The following ARRDC2 variants were observed in gnomAD, a reference collection of about 807,000 sequenced individuals.
ARRDC2 encodes the protein arrestin domain containing 2, also known as arrestin domain-containing protein 2.
In ARRDC2, 39 loss-of-function variants were observed where a neutral mutation model predicts 38.9. The observed-to-expected ratio is 1.00, with a 90% CI of 0.78 to 1.31. The LOEUF (loss-of-function observed/expected upper bound fraction) is 1.31. Ranked by LOEUF, ARRDC2 falls within the 50% of genes most tolerant of loss-of-function variation. ARRDC2 has a pLI of 0.00. For missense variants in ARRDC2, 553 were observed against 588.4 expected (o/e 0.94, Z 0.62); for synonymous variants, 300 against 261.9 (o/e 1.15, Z -1.41).
At chr19:18,001,542 C>A in exon 1 of ARRDC2, 2 of 1,382,988 alleles carry the variant, frequency 1.4e-6, no homozygotes, top group South Asian at 1.5e-5. Context: ...CCGCGGAGAC[C>A]TACCTGCGGC....
upstream of ARRDC2, among the ~76,000 whole-genome samples, chr19:18,005,984 A>AGACGGGGC (rs949672167): frequency 9.5e-5 from 14 of 147,602 alleles, no homozygotes; most frequent in Non-Finnish European, 1.8e-4. Flanking sequence ...CTCACATCCC[A>AGACGGGGC]GACGGGGCGG....
rs781444961 is a variant in ARRDC2, at chr19:18,012,501, C to T, written c.1171-412C>T. Among the ~76,000 whole-genome samples, 5 of 152,192 alleles carry T rather than the reference C, an allele frequency of 3.3e-5. No homozygotes were observed. In the South Asian group the frequency reaches 1.0e-3, roughly 32 times the overall value. On this transcript the variant is annotated intron_variant, in intron 7 of 7. Transcript: ENST00000222250. ...ACTCACGAGGCTGAGGCAGGAGAAT[C>T]GCTTGAACCCAGGAGGTAGAGGTTG... is the stretch of plus-strand genomic sequence containing the variant.
intron 3 of ARRDC2, 92 bp downstream of exon 3, chr19:18,009,210 C>T (rs1233034380): frequency 6.9e-7 from 1 of 1,454,694 alleles, no homozygotes; most frequent in East Asian, 2.4e-5. Context: ...AGATGGAGGT[C>T]ATAGGTGGGC....
Position 18,008,195 on chromosome 19 carries a change from C to T in ARRDC2, c.-116C>T, listed in dbSNP as rs2033322022. ...GATTTTCTGCTCCGGTTGGTGAGCG[C>T]GCCTGCGCGTTGACGGCGATTTTGC... On this transcript the variant is annotated 5_prime_UTR_variant, in exon 1 of 8. Coordinates refer to ENST00000222250, the MANE Select transcript of ARRDC2 (RefSeq NM_015683.2). 2.0e-5 allele frequency: 28 copies of T among 1,388,010 alleles called. No individual in the cohort carries two copies. Among genetic ancestry groups the T allele is most frequent in the Admixed American group, 2.7e-5 (1 of 36,994 alleles). 86.0% of individuals were successfully genotyped at this position (1,388,010 alleles called of 1,614,324 possible).
At chr19:18,008,138 C>A, upstream of ARRDC2, 1 of 1,339,282 alleles carries the variant, frequency 7.5e-7, no homozygotes, top group South Asian at 1.5e-5. Context: ...CCCGCCCTGC[C>A]GTATAAAAGC....
rs751170141 is a variant in ARRDC2, at chr19:18,008,515, A to G, written c.205A>G (p.Thr69Ala). 20 of 1,537,222 alleles carry G rather than the reference A, an allele frequency of 1.3e-5. No individual in the cohort carries two copies. Among genetic ancestry groups the G allele is most frequent in the Admixed American group, 2.1e-5 (1 of 48,760 alleles). The change falls in exon 1 of 8, where the codon ACG (threonine) becomes GCG (alanine). Residue 69 changes from threonine to alanine, a missense_variant. This residue lies in a region of ARRDC2 where 447 missense variants were observed against 456.6 expected (regional missense o/e 0.98). Coordinates refer to ENST00000222250, the MANE Select transcript of ARRDC2 (RefSeq NM_015683.2). The stretch of plus-strand genomic sequence containing the variant: ...CGAGTCGCGCAGCGCGGGCTCGAGC[A>G]CGGCTTACACGCAGAGCTACAGTGA... ...WTESRSAGSSTAYTQSYSERV... is the reference protein window; with the variant it reads ...WTESRSAGSSAAYTQSYSERV...
At position 18,008,946 on chromosome 19, in the gene ARRDC2, C is replaced by A. The variant is rs12610703; in HGVS notation, c.342-25C>A. 6 of 1,612,218 alleles carry A rather than the reference C, an allele frequency of 3.7e-6. No individual in the cohort carries two copies. The Admixed American group carries it at 1.0e-4, about 27-fold the overall frequency. On this transcript the variant is annotated intron_variant, in intron 2 of 7. Coordinates refer to ENST00000222250, the MANE Select transcript of ARRDC2 (RefSeq NM_015683.2). ...CCTGCTTGTCTCTGTATCTTGTCCC[C>A]TGAAGTCCCGTCCCTCCACCCTAGG...
At chr19:18,001,402 C>T (rs1251115361) in exon 1 of ARRDC2, 5 of 1,220,178 alleles carry the variant, frequency 4.1e-6, no homozygotes, top group Admixed American at 8.6e-5. Context: ...GCTGTGCGGC[C>T]GGGTGCTGCT....
At position 18,009,646 on chromosome 19, in the gene ARRDC2, G is replaced by C. The variant is rs2033363955; in HGVS notation, c.544G>C (p.Gly182Arg). ...KVARSWYCNRGLVSLSAKIDR... is the reference protein window; with the variant it reads ...KVARSWYCNRRLVSLSAKIDR... ...TGCCCGATCCTGGTACTGTAACCGTGGCCTAGTCTCCCTTTCGGCCAAGAT... is the reference window on the plus strand; with the variant it reads ...TGCCCGATCCTGGTACTGTAACCGTCGCCTAGTCTCCCTTTCGGCCAAGAT... The change falls in exon 4 of 8, where the codon GGC (glycine) becomes CGC (arginine). Residue 182 changes from glycine (G) to arginine (R), a missense_variant. By Grantham distance (125) the Gly-to-Arg change is moderately radical. Transcript: ENST00000222250. 1.2e-6 allele frequency: 2 copies of C among 1,611,148 alleles called. No individual in the cohort carries two copies. Among genetic ancestry groups the C allele is most frequent in the Non-Finnish European group, 1.7e-6 (2 of 1,177,854 alleles).
upstream of ARRDC2, among the ~76,000 whole-genome samples, chr19:18,003,495 C>G (rs936345096): frequency 6.6e-6 from 1 of 151,590 alleles, no homozygotes; most frequent in Admixed American, 6.6e-5. Flanking sequence ...CACTCTGTCA[C>G]CCAGGCTGGA....
rs2033324331 is a variant in ARRDC2 at position 18,008,271 on chromosome 19, G to A, written c.-40G>A. On this transcript the variant is annotated 5_prime_UTR_variant, in exon 1 of 8. Coordinates refer to ENST00000222250, the MANE Select transcript of ARRDC2 (RefSeq NM_015683.2). The stretch of plus-strand genomic sequence containing the variant: ...TTGAGCTGCCGGTTCGCGAGTTCGA[G>A]GCCAGGTTCCGCCTGTCGTGGGTTC... 6.4e-7 allele frequency: 1 copy of A among 1,572,538 alleles called. No homozygotes were observed. The highest frequency in any genetic ancestry group is 1.8e-5 in the Admixed American group (1 of 55,684).
intron 1 of ARRDC2, among the ~76,000 whole-genome samples, chr19:18,001,808 T>C (rs376217293): frequency 6.6e-6 from 1 of 152,098 alleles, no homozygotes; most frequent in Non-Finnish European, 1.5e-5. Flanking sequence ...CCAGGCTTAG[T>C]GGCGCGCGCC....
At chr19:18,004,891 T>C (rs2033241467), upstream of ARRDC2, among the ~76,000 whole-genome samples, 3 of 147,698 alleles carry the variant, frequency 2.0e-5, no homozygotes, top group Admixed American at 2.0e-4. Context: ...TCCCGGCTAC[T>C]CGGGAGGCTG....
At chr19:18,003,783 G>A (rs888545955), upstream of ARRDC2, among the ~76,000 whole-genome samples, 2 of 152,070 alleles carry the variant, frequency 1.3e-5, no homozygotes. Context: ...GGGACTACAG[G>A]CACCCGCCAC....
At chr19:18,003,515 C>T (rs1043801538), upstream of ARRDC2, among the ~76,000 whole-genome samples, 2 of 151,864 alleles carry the variant, frequency 1.3e-5, no homozygotes, top group African/African-American at 4.8e-5. Flanking sequence ...AGTGCAGTGG[C>T]GCCGGCGCAA....
At chr19:18,012,082 C>T (rs907299186) in intron 7 of ARRDC2, among the ~76,000 whole-genome samples, 1 of 149,886 alleles carries the variant, frequency 6.7e-6, no homozygotes, top group Admixed American at 6.6e-5. Flanking sequence ...CTTAGCCTCC[C>T]GAGTAGCTGG....
At position 18,008,501 on chromosome 19, in the gene ARRDC2, G is replaced by A. The variant is rs2033331126; in HGVS notation, c.191G>A (p.Ser64Asn). 6.5e-7 allele frequency: 1 copy of A among 1,530,916 alleles called. No individual in the cohort carries two copies. The highest frequency in any genetic ancestry group is 2.1e-5 in the Admixed American group (1 of 47,930). The allele number at this position is 1,530,916 out of a possible 1,614,324, so 94.8% of individuals were successfully genotyped here. A position where few individuals can be genotyped will look rare whatever the true frequency, so the allele number is the denominator to read the frequency against. ...RAHVHWTESR[S>N]AGSSTAYTQS... ...CACGTGCACTGGACCGAGTCGCGCA[G>A]CGCGGGCTCGAGCACGGCTTACACG... Residue 64 changes from serine to asparagine, a missense_variant, in exon 1 of 8, where the codon AGC (serine) becomes AAC (asparagine). This residue lies in a region of ARRDC2 where 447 missense variants were observed against 456.6 expected (regional missense o/e 0.98). Coordinates refer to ENST00000222250, the MANE Select transcript of ARRDC2 (RefSeq NM_015683.2).
upstream of ARRDC2, among the ~76,000 whole-genome samples, chr19:18,004,394 T>C (rs2033232900): frequency 1.3e-5 from 2 of 149,874 alleles, no homozygotes; most frequent in African/African-American, 4.9e-5. Context: ...ATTACAGGCA[T>C]GCGCCACCAC....
intron 2 of ARRDC2, 63 bp from the exon 3 acceptor site, chr19:18,008,908 C>T (rs1447204845): frequency 6.2e-7 from 1 of 1,604,562 alleles, no homozygotes; most frequent in South Asian, 1.1e-5. Context: ...GTGTCTGTGT[C>T]TCCTTCTCCC....
Sources: gnomAD v4.1 joint callset for allele counts (sites outside exome capture counted in the v4.1 genomes callset) on GRCh38, gnomAD v4.1.1 for gene constraint, gnomAD v4.1.1 regional missense constraint, MANE v1.5 for transcripts, NCBI Gene and HGNC (gene_info 2026-07-23, HGNC 2026-07-21) for gene names.